Variants in ANKRD44 observed in about 807,000 individuals in gnomAD.
The protein encoded by ANKRD44 is ankyrin repeat domain 44, also known as serine/threonine-protein phosphatase 6 regulatory ankyrin repeat subunit B.
ANKRD44 carries 35 observed loss-of-function variants against 116.0 expected under a neutral mutation model. That is an observed-to-expected ratio of 0.30 (90% CI 0.23 to 0.40). ANKRD44 has a LOEUF of 0.40. Among genes scored for constraint, ANKRD44 ranks in the 10% least tolerant of loss-of-function variants. The pLI is 1.00. For missense variants in ANKRD44, 1,014 were observed against 1,242.6 expected (o/e 0.82, Z 2.77); for synonymous variants, 435 against 461.8 (o/e 0.94, Z 0.74).
At chr2:197,095,033 ACT>A (rs1478883522) in intron 10 of ANKRD44, among the ~76,000 whole-genome samples, 1 of 151,844 alleles carries the variant, frequency 6.6e-6, no homozygotes, top group African/African-American at 2.4e-5. Context: ...TCCACCTGAA[ACT>A]CTCTTATCTT....
intron 16 of ANKRD44, among the ~76,000 whole-genome samples, chr2:197,073,244 C>A (rs1175074530): frequency 6.6e-6 from 1 of 152,200 alleles, no homozygotes; most frequent in African/African-American, 2.4e-5. Context: ...AATTGTCCCT[C>A]TCTTAGATGC....
chr2:196,993,539 C>T, intron 27 of ANKRD44, 44 bp downstream of exon 27: 1 of 1,468,974 alleles, frequency 6.8e-7, no homozygotes, highest in Non-Finnish European at 9.3e-7. Flanking sequence ...CTTCAACTAG[C>T]TTATGGAAGG....
intron 2 of ANKRD44, among the ~76,000 whole-genome samples, chr2:197,168,436 T>A (rs1167061247): frequency 6.6e-6 from 1 of 152,222 alleles, no homozygotes; most frequent in Non-Finnish European, 1.5e-5. Context: ...AGGCAGTCAT[T>A]GATTATTAAA....
intron 1 of ANKRD44, among the ~76,000 whole-genome samples, chr2:197,285,185 C>T (rs1211636506): frequency 6.6e-6 from 1 of 151,972 alleles, no homozygotes; most frequent in Non-Finnish European, 1.5e-5. Context: ...TTATGTAAGG[C>T]CTGTGGACCC....
intron 16 of ANKRD44, among the ~76,000 whole-genome samples, chr2:197,060,308 T>C (rs898118995): frequency 1.3e-5 from 2 of 152,110 alleles, no homozygotes; most frequent in Non-Finnish European, 2.9e-5. Context: ...AATGAATACA[T>C]AATAACAGTT....
At position 197,013,566 on chromosome 2, in the gene ANKRD44, G is replaced by T. The variant is rs200094490; in HGVS notation, c.1869C>A (p.Gly623=). Reference sequence around the variant, plus strand: ...CATTGTCTTTCACAAAGATGGATGCGCCCTGATTGATAAGCGCTTCCACAC... The same window carrying T: ...CATTGTCTTTCACAAAGATGGATGCTCCCTGATTGATAAGCGCTTCCACAC... ...TECVEALINQ[G]ASIFVKDNVT... is the part of the protein sequence containing the mutation. The change falls in exon 18 of 28, where the codon GGC becomes GGA. Residue 623 remains glycine (G), a synonymous_variant. Coordinates refer to ENST00000282272, the MANE Select transcript of ANKRD44 (RefSeq NM_001195144.2). 2.0e-5 allele frequency: 32 copies of T among 1,614,032 alleles called. No homozygotes were observed. The highest frequency in any genetic ancestry group is 2.7e-5 in the Non-Finnish European group (32 of 1,180,048).
chr2:197,171,356 TA>T (rs1424833922), intron 2 of ANKRD44, among the ~76,000 whole-genome samples: 1 of 152,136 alleles, frequency 6.6e-6, no homozygotes, highest in African/African-American at 2.4e-5. Context: ...AGCTCTCAAG[TA>T]GAGGGACAGA....
At chr2:197,065,548 G>A (rs1033604358) in intron 16 of ANKRD44, among the ~76,000 whole-genome samples, 6 of 151,982 alleles carry the variant, frequency 3.9e-5, no homozygotes, top group African/African-American at 7.3e-5. Context: ...TTGATAGACC[G>A]CTAGCAAGAC....
rs2079318394 is a variant in ANKRD44, at chr2:197,139,906, G to C, written c.191-3244C>G. Among the ~76,000 whole-genome samples the C allele has an allele frequency of 3.4e-5, 5 of 146,332 alleles. No homozygotes were observed. In the Admixed American group the frequency reaches 3.4e-4, roughly 10 times the overall value. On this transcript the variant is annotated intron_variant, in intron 3 of 27. Coordinates refer to ENST00000282272, the MANE Select transcript of ANKRD44 (RefSeq NM_001195144.2). ...TGTGTGTGTGTGTGTGTGAAACGGA[G>C]TCTTGCTCTGTCACCCAGGCTGGAG...
chr2:196,988,611 G>A lies in ANKRD44; in HGVS notation c.*980C>T, dbSNP rs1489767364. Reference sequence around the variant, plus strand: ...AAATATAATACAGTTATCTGTCTTTGATCCAGATATGATAGAACATTATTT... The same window carrying A: ...AAATATAATACAGTTATCTGTCTTTAATCCAGATATGATAGAACATTATTT... On this transcript the variant is annotated 3_prime_UTR_variant, in exon 28 of 28. Transcript: ENST00000282272. 6 of 983,638 alleles carry A rather than the reference G, an allele frequency of 6.1e-6. No homozygotes were observed. The highest frequency in any genetic ancestry group is 7.2e-6 in the Non-Finnish European group (6 of 828,468). The allele number at this position is 983,638 out of a possible 1,614,324, so 60.9% of individuals were successfully genotyped here.
At chr2:197,131,791 T>C (rs1210699382) in intron 4 of ANKRD44, among the ~76,000 whole-genome samples, 2 of 152,208 alleles carry the variant, frequency 1.3e-5, no homozygotes, top group African/African-American at 2.4e-5. Flanking sequence ...GTACACACTT[T>C]AGGCCTCCTG....
At chr2:196,976,711 A>G (rs1257566323) in intron 21 of ANKRD44, among the ~76,000 whole-genome samples, 3 of 152,132 alleles carry the variant, frequency 2.0e-5, no homozygotes, top group Non-Finnish European at 2.9e-5. Flanking sequence ...ACAAAAAAAT[A>G]CAAAAATTAG....
At chr2:197,000,349 G>C (rs932539120) in intron 23 of ANKRD44, 70 bp downstream of exon 23, 2 of 1,164,654 alleles carry the variant, frequency 1.7e-6, no homozygotes, top group African/African-American at 1.5e-5. Flanking sequence ...TAGATGTTTG[G>C]CTACTCTGCA....
chr2:197,235,410 G>A (rs1040478040), intron 1 of ANKRD44, among the ~76,000 whole-genome samples: 1 of 152,092 alleles, frequency 6.6e-6, no homozygotes, highest in Non-Finnish European at 1.5e-5. Flanking sequence ...GAGGCCAGGA[G>A]TTTGAGACCA....
At chr2:197,066,089 C>T (rs974881003) in intron 16 of ANKRD44, among the ~76,000 whole-genome samples, 13 of 152,286 alleles carry the variant, frequency 8.5e-5, no homozygotes, top group East Asian at 5.8e-4. Flanking sequence ...AGCTTATTCA[C>T]GATGATCAAG....
At position 197,083,437 on chromosome 2, in the gene ANKRD44, G is replaced by A. The variant is rs375337100; in HGVS notation, c.1389C>T (p.Asn463=). The A allele has an allele frequency of 1.6e-5, 26 of 1,613,854 alleles. No homozygotes were observed. In the East Asian group the frequency reaches 2.0e-4, roughly 12 times the overall value. Residue 463 remains asparagine, a synonymous_variant, in exon 14 of 28, where the codon AAC becomes AAT. Transcript: ENST00000282272. ...CIETLVTTGA[N]VNETDDWGRT... ...GTCCCCAGTCATCTGTTTCATTAACGTTGGCCCCTGTGGTCACTAATGTCT... is the reference window on the plus strand; with the variant it reads ...GTCCCCAGTCATCTGTTTCATTAACATTGGCCCCTGTGGTCACTAATGTCT...
At chr2:197,139,322 A>G (rs1038524292) in intron 3 of ANKRD44, among the ~76,000 whole-genome samples, 2 of 152,234 alleles carry the variant, frequency 1.3e-5, no homozygotes, top group African/African-American at 4.8e-5. Flanking sequence ...ATGGAATTCT[A>G]CACTGTCATG....
chr2:197,110,947 T>C, intron 8 of ANKRD44, 103 bp from the exon 9 acceptor site: 1 of 791,434 alleles, frequency 1.3e-6, no homozygotes, highest in Non-Finnish European at 2.2e-6. Context: ...CCTGAAAACA[T>C]TCATTTATTT....
intron 25 of ANKRD44, 57 bp from the exon 26 acceptor site, chr2:196,995,518 A>G (rs1355220274): frequency 4.7e-6 from 6 of 1,280,932 alleles, no homozygotes; most frequent in African/African-American, 1.5e-5. Flanking sequence ...AAAGTTACTG[A>G]GAAATTTCTT....
Sources: gnomAD v4.1 joint callset for allele counts (sites outside exome capture counted in the v4.1 genomes callset) on GRCh38, gnomAD v4.1.1 for gene constraint, MANE v1.5 for transcripts, NCBI Gene and HGNC (gene_info 2026-07-23, HGNC 2026-07-21) for gene names.